The following REV1 variants were observed in gnomAD, a reference collection of about 807,000 sequenced individuals.
REV1 encodes translesion synthesis protein REV1.
REV1 carries 42 observed loss-of-function variants against 137.4 expected under a neutral mutation model. The ratio of observed to expected loss-of-function variants is 0.31; its 90% CI spans 0.24 to 0.40. The LOEUF is 0.40. Ranked by LOEUF, REV1 falls within the 10% of genes least tolerant of loss-of-function variation. The pLI is 1.00. For missense variants in REV1, 1,282 were observed against 1,490.1 expected (o/e 0.86, Z 2.30); for synonymous variants, 524 against 519.2 (o/e 1.01, Z -0.12).
chr2:99,446,599 A>G (rs181501234), intron 4 of REV1, among the ~76,000 whole-genome samples: 1 of 152,042 alleles, frequency 6.6e-6, no homozygotes, highest in East Asian at 1.9e-4. Context: ...GGTTCAAGCA[A>G]TTCTCCTGCC....
At chr2:99,484,481 A>G (rs1686941812) in intron 1 of REV1, among the ~76,000 whole-genome samples, 1 of 152,250 alleles carries the variant, frequency 6.6e-6, no homozygotes, top group Non-Finnish European at 1.5e-5. Flanking sequence ...GAGCAAACTT[A>G]AGACATTTAT....
chr2:99,404,522 G>A lies in REV1; in HGVS notation c.2967C>T (p.Val989=). Residue 989 remains valine, a synonymous_variant, in exon 18 of 23, where the codon GTC becomes GTT. Transcript: ENST00000258428. ...CTTGAGGTTCTGGTATTTGCAACAA[G>A]ACTGTCCCAACTGGTTGTGGCAAAA... ...TGILPQPVGT[V]LLQIPEPQES... 1 of 1,614,174 alleles carries A rather than the reference G, an allele frequency of 6.2e-7. No individual in the cohort carries two copies. The highest frequency in any genetic ancestry group is 1.1e-5 in the South Asian group (1 of 91,076).
intron 14 of REV1, 57 bp downstream of exon 14, chr2:99,410,634 ATTAC>A (rs1677003766): frequency 7.2e-7 from 1 of 1,390,382 alleles, no homozygotes; most frequent in South Asian, 1.4e-5. Context: ...TTCATTTTCT[ATTAC>A]TTACAACAAC....
At chr2:99,441,386 A>C (rs1486721865) in intron 5 of REV1, among the ~76,000 whole-genome samples, 4 of 152,130 alleles carry the variant, frequency 2.6e-5, no homozygotes, top group Non-Finnish European at 5.9e-5. Flanking sequence ...AACCATAATG[A>C]ACCACCTGAT....
chr2:99,429,992 AT>A, intron 8 of REV1, 44 bp from the exon 9 acceptor site: 1 of 1,191,034 alleles, frequency 8.4e-7, no homozygotes, highest in Non-Finnish European at 1.2e-6. Flanking sequence ...TTATAAACTG[AT>A]TTTCCCTCAC....
At chr2:99,487,900 T>C (rs1687295429) in intron 1 of REV1, among the ~76,000 whole-genome samples, 1 of 118,536 alleles carries the variant, frequency 8.4e-6, no homozygotes, top group African/African-American at 3.0e-5. Flanking sequence ...GAATATGTAT[T>C]TACTGAGCAC....
chr2:99,426,160 C>G (rs1165437740), intron 9 of REV1, among the ~76,000 whole-genome samples: 1 of 151,932 alleles, frequency 6.6e-6, no homozygotes, highest in African/African-American at 2.4e-5. Flanking sequence ...GCCTGGCCAA[C>G]ATGGTGAAAC....
At chr2:99,488,719 T>C (rs1357040322) in intron 1 of REV1, among the ~76,000 whole-genome samples, 1 of 152,134 alleles carries the variant, frequency 6.6e-6, no homozygotes, top group Non-Finnish European at 1.5e-5. Context: ...CACAGGCTGA[T>C]TTGCTACATA....
intron 7 of REV1, among the ~76,000 whole-genome samples, chr2:99,435,023 T>C (rs1268474432): frequency 2.0e-5 from 3 of 152,130 alleles, no homozygotes; most frequent in Non-Finnish European, 2.9e-5. Context: ...TGTAAAGCAA[T>C]AGCAGGGATA....
chr2:99,460,978 T>C (rs1684121648), intron 3 of REV1, among the ~76,000 whole-genome samples: 1 of 151,940 alleles, frequency 6.6e-6, no homozygotes. Flanking sequence ...GGGTGCTCTC[T>C]TGAACTGGAG....
At chr2:99,405,700 G>A (rs1243411897) in intron 17 of REV1, 2 of 401,496 alleles carry the variant, frequency 5.0e-6, no homozygotes, top group Non-Finnish European at 8.8e-6. Context: ...TTGCAAGAGT[G>A]GCAAATCTTT....
intron 3 of REV1, among the ~76,000 whole-genome samples, chr2:99,457,179 T>C (rs984843657): frequency 1.3e-5 from 2 of 152,196 alleles, no homozygotes; most frequent in South Asian, 2.1e-4. Context: ...TCAACTGCTA[T>C]CTCTTTTCAA....
At position 99,464,991 on chromosome 2, in the gene REV1, T is replaced by C. The variant is rs199726622; in HGVS notation, c.-10-6A>G. On this transcript the variant is annotated splice_polypyrimidine_tract_variant and splice_region_variant and intron_variant, in intron 1 of 22. Transcript: ENST00000258428. ...CTCGCCTCATGGTGGAGCTTCTGTA[T>C]TGGGGAGGAAAAAAAAAATGTCAAT... 93 of 1,607,444 alleles carry C rather than the reference T, an allele frequency of 5.8e-5. 5 individuals are homozygous for C. In the Admixed American group the frequency reaches 6.9e-4, roughly 12 times the overall value.
At chr2:99,476,953 T>C (rs1030769143) in intron 1 of REV1, among the ~76,000 whole-genome samples, 4 of 152,208 alleles carry the variant, frequency 2.6e-5, no homozygotes, top group African/African-American at 9.7e-5. Context: ...CTTTTCACTG[T>C]AATAAATCCA....
chr2:99,410,933 A>T (rs1677050761), intron 13 of REV1, 66 bp from the exon 14 acceptor site: 1 of 1,382,220 alleles, frequency 7.2e-7, no homozygotes, highest in African/African-American at 1.5e-5. Context: ...ATTGTTCTCA[A>T]GTATTTTAAC....
At position 99,402,699 on chromosome 2, in the gene REV1, A is replaced by C. The variant is rs1179802104; in HGVS notation, c.3486T>G (p.Ala1162=). ...VRPPAPNLAG[A]VEFNDVKTLL... ...AGGTCTTCACATCATTGAATTCAAC[A>C]GCTCCAGCTAGATTGGGTGCTGGAG... The change falls in exon 21 of 23, where the codon GCT becomes GCG. Residue 1162 remains alanine, a synonymous_variant. Coordinates refer to ENST00000258428, the MANE Select transcript of REV1 (RefSeq NM_016316.4). 1.9e-6 allele frequency: 3 copies of C among 1,614,054 alleles called. No individual in the cohort carries two copies. The African/African-American group carries it at 4.0e-5, about 22-fold the overall frequency.
intron 3 of REV1, among the ~76,000 whole-genome samples, chr2:99,460,535 T>A (rs1271546127): frequency 1.3e-5 from 2 of 152,260 alleles, no homozygotes; most frequent in Non-Finnish European, 2.9e-5. Context: ...AAAGCTTATT[T>A]TTTTAAATCA....
chr2:99,485,712 C>T (rs1053022302), intron 1 of REV1, among the ~76,000 whole-genome samples: 1 of 152,220 alleles, frequency 6.6e-6, no homozygotes, highest in Admixed American at 6.5e-5. Flanking sequence ...AGTCACCATT[C>T]TCAACAGTTT....
intron 2 of REV1, among the ~76,000 whole-genome samples, chr2:99,463,060 C>T (rs1041285234): frequency 6.6e-6 from 1 of 151,308 alleles, no homozygotes; most frequent in African/African-American, 2.4e-5. Context: ...TGCACTCCAG[C>T]CTGGGTGACA....
Sources: allele counts gnomAD v4.1 joint callset (sites outside exome capture counted in the v4.1 genomes callset), GRCh38; gene constraint gnomAD v4.1.1; transcripts MANE v1.5; gene names NCBI Gene and HGNC (gene_info 2026-07-23, HGNC 2026-07-21).